Variants in SLC39A10 observed in about 807,000 individuals in gnomAD.
The protein encoded by SLC39A10 is zinc transporter ZIP10.
In SLC39A10, 13 loss-of-function variants were observed where a neutral mutation model predicts 65.1. The ratio of observed to expected loss-of-function variants is 0.20; its 90% CI spans 0.13 to 0.32. The LOEUF (loss-of-function observed/expected upper bound fraction) is 0.32, where lower values mean the gene tolerates loss of function less well. Ranked by LOEUF, SLC39A10 falls within the 10% of genes least tolerant of loss-of-function variation. SLC39A10 has a pLI of 1.00. For missense variants in SLC39A10, 831 were observed against 1,018.4 expected (o/e 0.82, Z 2.50); for synonymous variants, 321 against 342.2 (o/e 0.94, Z 0.68).
At chr2:195,685,761 A>G (rs928124766) in intron 3 of SLC39A10, among the ~76,000 whole-genome samples, 1 of 152,058 alleles carries the variant, frequency 6.6e-6, no homozygotes, top group Non-Finnish European at 1.5e-5. Flanking sequence ...GGGGATCTTA[A>G]TAATTGAATT....
In SLC39A10 at chr2:195,678,008, A is replaced by G. The variant is rs555957423; in HGVS notation, c.-11-2024A>G. 7.2e-5 allele frequency among the ~76,000 whole-genome samples: 11 copies of G among 152,264 alleles called. No homozygotes were observed. In the East Asian group the frequency reaches 1.7e-3, roughly 24 times the overall value. ...GGTGATCTGCCTGCCTTGGCCTCCC[A>G]AAGTGCTGGAATTACAGGTGTGAGT... is the stretch of plus-strand genomic sequence containing the variant. On this transcript the variant is annotated intron_variant, in intron 1 of 9. Coordinates refer to ENST00000359634, the MANE Select transcript of SLC39A10 (RefSeq NM_020342.3).
intron 3 of SLC39A10, among the ~76,000 whole-genome samples, chr2:195,686,650 A>T (rs1469637953): frequency 6.6e-6 from 1 of 152,226 alleles, no homozygotes; most frequent in Non-Finnish European, 1.5e-5. Context: ...AACCCACTAT[A>T]CAGGCACTTC....
At chr2:195,731,610 G>A (rs1692434924) in intron 9 of SLC39A10, among the ~76,000 whole-genome samples, 1 of 152,164 alleles carries the variant, frequency 6.6e-6, no homozygotes, top group Admixed American at 6.5e-5. Flanking sequence ...AGAAGAATGA[G>A]TCTTTACAGA....
chr2:195,635,998 C>T (rs1340956405), intron 2 of SLC39A10, among the ~76,000 whole-genome samples: 1 of 152,170 alleles, frequency 6.6e-6, no homozygotes, highest in Non-Finnish European at 1.5e-5. Flanking sequence ...AAAATGCATA[C>T]TAGGCCAAAA....
chr2:195,696,683 C>T (rs1381168534), intron 3 of SLC39A10, among the ~76,000 whole-genome samples: 2 of 151,974 alleles, frequency 1.3e-5, no homozygotes, highest in African/African-American at 4.8e-5. Context: ...CTACTAGTAG[C>T]CTACTGTTGA....
rs149139792 is a variant in SLC39A10, at chr2:195,701,509, A to C, written c.1217-5107A>C. ...TTTGTATGCCTTTTGGTTTTATGAA[A>C]ACTGGACATTTGATTCTAATAATAT... On this transcript the variant is annotated intron_variant, in intron 3 of 9. Coordinates refer to ENST00000359634, the MANE Select transcript of SLC39A10 (RefSeq NM_020342.3). 5.9e-3 allele frequency among the ~76,000 whole-genome samples: 850 copies of C among 144,646 alleles called. 6 individuals carry two copies. Among genetic ancestry groups the C allele is most frequent in the Non-Finnish European group, 0.01 (673 of 66,760 alleles). The allele number at this position is 144,646 out of a possible 152,430, so 94.9% of individuals were successfully genotyped here. A position where few individuals can be genotyped will look rare whatever the true frequency, so the allele number is the denominator to read the frequency against.
intron 2 of SLC39A10, among the ~76,000 whole-genome samples, chr2:195,617,743 T>TATTTTATTTTATTTTATTTG (rs1688251186): frequency 6.7e-6 from 1 of 150,356 alleles, no homozygotes; most frequent in Non-Finnish European, 1.5e-5. Flanking sequence ...TATTTTATTT[T>TATTTTATTTTATTTTATTTG]ACTTTATTTT....
chr2:195,646,467 G>C (rs1451640925), intron 2 of SLC39A10, among the ~76,000 whole-genome samples: 1 of 152,150 alleles, frequency 6.6e-6, no homozygotes, highest in Non-Finnish European at 1.5e-5. Flanking sequence ...TTGTTATGCA[G>C]CTCTGTAGGT....
At chr2:195,621,501 A>T (rs567991578) in intron 2 of SLC39A10, among the ~76,000 whole-genome samples, 1 of 152,292 alleles carries the variant, frequency 6.6e-6, no homozygotes, top group African/African-American at 2.4e-5. Context: ...GACTGTTTTT[A>T]TCTTTGTGGA....
At chr2:195,627,054 T>C (rs531966152) in intron 2 of SLC39A10, among the ~76,000 whole-genome samples, 230 of 152,320 alleles carry the variant, frequency 1.5e-3, no homozygotes, top group African/African-American at 5.0e-3. Flanking sequence ...AGTATATTCT[T>C]AACAGCTCAA....
At chr2:195,638,480 C>T (rs568262058) in intron 2 of SLC39A10, among the ~76,000 whole-genome samples, 109 of 152,144 alleles carry the variant, frequency 7.2e-4, no homozygotes, top group African/African-American at 2.5e-3. Context: ...GCTGAGACTA[C>T]AGGCACCTGC....
At position 195,680,896 on chromosome 2, in the gene SLC39A10, G is replaced by T; in HGVS notation, c.854G>T (p.Arg285Leu). The stretch of plus-strand genomic sequence containing the variant: ...CATTCTCATGTACATCTTCCAGAAC[G>T]TAATGGTCATGATCCTGGTCGTGGA... ...PGHSHVHLPE[R>L]NGHDPGRGHQ... The change falls in exon 2 of 10, where the codon CGT (arginine) becomes CTT (leucine). Residue 285 changes from arginine (R) to leucine (L), a missense_variant. Coordinates refer to ENST00000359634, the MANE Select transcript of SLC39A10 (RefSeq NM_020342.3). 3 of 1,614,098 alleles carry T rather than the reference G, an allele frequency of 1.9e-6. No individual in the cohort carries two copies. The highest frequency in any genetic ancestry group is 1.7e-6 in the Non-Finnish European group (2 of 1,180,042).
chr2:195,723,758 A>G (rs1465126985), intron 8 of SLC39A10, among the ~76,000 whole-genome samples: 1 of 147,938 alleles, frequency 6.8e-6, no homozygotes, highest in African/African-American at 2.5e-5. Flanking sequence ...AAAAAAAAAA[A>G]TACAGCCATG....
At chr2:195,708,890 C>A (rs1206224199) in intron 5 of SLC39A10, 46 bp downstream of exon 5, 1 of 1,386,650 alleles carries the variant, frequency 7.2e-7, no homozygotes, top group Non-Finnish European at 9.8e-7. Context: ...AAACTCAAAA[C>A]AAAAATTATC....
At chr2:195,675,740 G>A (rs186202481) in intron 1 of SLC39A10, among the ~76,000 whole-genome samples, 33 of 152,250 alleles carry the variant, frequency 2.2e-4, no homozygotes, top group African/African-American at 7.7e-4. Context: ...CCCCAGTAAG[G>A]ATTCTTGAAT....
upstream of SLC39A10, among the ~76,000 whole-genome samples, chr2:195,651,845 A>C (rs925133260): frequency 6.6e-6 from 1 of 152,188 alleles, no homozygotes; most frequent in Non-Finnish European, 1.5e-5. Context: ...GTACAGCAAT[A>C]TAATTTAGTC....
Position 195,619,974 on chromosome 2 carries a change from G to C in SLC39A10, c.-12+13741G>C, listed in dbSNP as rs142001819. ...GTCTCGCTCCATCACCCAGGCTGGAGTGCAGTGGCACGATCTTGACTCACT... is the reference window on the plus strand; with the variant it reads ...GTCTCGCTCCATCACCCAGGCTGGACTGCAGTGGCACGATCTTGACTCACT... On this transcript the variant is annotated intron_variant, in intron 2 of 2. Coordinates refer to the SLC39A10 transcript ENST00000458054. Among the ~76,000 whole-genome samples, 1,499 of 152,186 alleles carry C rather than the reference G, an allele frequency of 9.8e-3. 28 individuals carry two copies. The highest frequency in any genetic ancestry group is 0.033 in the African/African-American group (1,386 of 41,504).
At chr2:195,695,568 G>A (rs1280598633) in intron 3 of SLC39A10, among the ~76,000 whole-genome samples, 1 of 152,060 alleles carries the variant, frequency 6.6e-6, no homozygotes, top group Admixed American at 6.5e-5. Flanking sequence ...CAGTTTTTTT[G>A]GTGTCTCAGG....
chr2:195,635,706 C>CCCA (rs1221548571), intron 2 of SLC39A10, among the ~76,000 whole-genome samples: 1 of 39,048 alleles, frequency 2.6e-5, no homozygotes, highest in Admixed American at 4.6e-4. Flanking sequence ...GAACCCCCCC[C>CCCA]ACTTTTTTTT....
Sources: allele counts gnomAD v4.1 joint callset (sites outside exome capture counted in the v4.1 genomes callset), GRCh38; gene constraint gnomAD v4.1.1; transcripts MANE v1.5; gene names NCBI Gene and HGNC (gene_info 2026-07-23, HGNC 2026-07-21).